The following EPHA7 variants were observed in gnomAD, a reference collection of about 807,000 sequenced individuals.
EPHA7 encodes the protein ephrin type-A receptor 7.
A neutral mutation model predicts 112.6 loss-of-function variants in EPHA7; 25 were observed. The observed-to-expected ratio is 0.22, with a 90% confidence interval of 0.16 to 0.31. EPHA7 has a LOEUF of 0.31. Among genes scored for constraint, EPHA7 ranks in the 10% least tolerant of loss-of-function variants. EPHA7 has a pLI of 1.00. For synonymous variants in EPHA7, 437 were observed against 406.5 expected, an observed-to-expected ratio of 1.07 and a Z score of -0.90; for missense variants, 962 against 1,212.6, an observed-to-expected ratio of 0.79 and a Z score of 3.07.
intron 5 of EPHA7, among the ~76,000 whole-genome samples, chr6:93,352,557 A>C (rs960242588): frequency 6.6e-6 from 1 of 152,074 alleles, no homozygotes; most frequent in African/African-American, 2.4e-5. Context: ...TTTGTTCCCA[A>C]TGTTGTTCTA....
intron 5 of EPHA7, among the ~76,000 whole-genome samples, chr6:93,286,534 G>A (rs1341345691): frequency 6.6e-6 from 1 of 152,128 alleles, no homozygotes; most frequent in African/African-American, 2.4e-5. Context: ...CATCCCAATA[G>A]CAGAGGAGAG....
intron 5 of EPHA7, among the ~76,000 whole-genome samples, chr6:93,282,434 A>G (rs1215533627): frequency 6.6e-6 from 1 of 152,264 alleles, no homozygotes; most frequent in African/African-American, 2.4e-5. Context: ...AAAATAAATT[A>G]GAATAAAAAT....
intron 3 of EPHA7, among the ~76,000 whole-genome samples, chr6:93,399,627 C>T (rs1240937957): frequency 1.3e-5 from 2 of 151,924 alleles, no homozygotes; most frequent in Non-Finnish European, 2.9e-5. Context: ...ATTTTGTTTT[C>T]TTGCTCCACT....
At chr6:93,416,027 TTTG>T (rs1042134791) in intron 1 of EPHA7, among the ~76,000 whole-genome samples, 1 of 152,126 alleles carries the variant, frequency 6.6e-6, no homozygotes, top group Non-Finnish European at 1.5e-5. Context: ...GGATTTTTGT[TTTG>T]TTGTTGTTGT....
chr6:93,253,029 G>A (rs1770282861), intron 14 of EPHA7, among the ~76,000 whole-genome samples: 1 of 151,678 alleles, frequency 6.6e-6, no homozygotes, highest in African/African-American at 2.4e-5. Context: ...TTTGTTTTTG[G>A]AAGTTAAGTG....
chr6:93,289,988 A>G (rs988862099), intron 5 of EPHA7, among the ~76,000 whole-genome samples: 1 of 152,136 alleles, frequency 6.6e-6, no homozygotes, highest in Non-Finnish European at 1.5e-5. Flanking sequence ...GTCTAAACTG[A>G]TATACACTCT....
At chr6:93,388,682 T>C (rs969294918) in intron 3 of EPHA7, among the ~76,000 whole-genome samples, 1 of 152,094 alleles carries the variant, frequency 6.6e-6, no homozygotes, top group African/African-American at 2.4e-5. Flanking sequence ...GTGATAAGCT[T>C]AGAAGAACCT....
At chr6:93,253,125 A>G (rs1240585634) in intron 14 of EPHA7, among the ~76,000 whole-genome samples, 2 of 151,892 alleles carry the variant, frequency 1.3e-5, no homozygotes, top group East Asian at 3.9e-4. Flanking sequence ...AACTCCATGG[A>G]GTGTCTAGGG....
intron 5 of EPHA7, among the ~76,000 whole-genome samples, chr6:93,326,089 A>C (rs1233558063): frequency 6.6e-6 from 1 of 151,438 alleles, no homozygotes. Context: ...AATTCTATTC[A>C]TAGTCTAATA....
intron 5 of EPHA7, among the ~76,000 whole-genome samples, chr6:93,351,344 T>C (rs1324545845): frequency 6.6e-6 from 1 of 151,936 alleles, no homozygotes; most frequent in African/African-American, 2.4e-5. Context: ...CCCTTCTCTC[T>C]GATGGTGTTG....
At chr6:93,408,499 T>A (rs913541212) in intron 3 of EPHA7, among the ~76,000 whole-genome samples, 1 of 152,088 alleles carries the variant, frequency 6.6e-6, no homozygotes, top group Non-Finnish European at 1.5e-5. Flanking sequence ...CAGGATTTTC[T>A]ACTCAATTAG....
Position 93,358,252 on chromosome 6 carries a change from TCA to T in EPHA7, c.988+2_988+3del, listed in dbSNP as rs1776056412. 1 of 1,600,982 alleles carries T rather than the reference TCA, an allele frequency of 6.2e-7. No individual in the cohort carries two copies. Among genetic ancestry groups the T allele is most frequent in the Non-Finnish European group, 8.5e-7 (1 of 1,173,116 alleles). ...AAGTCCTTTACTTTCATAATACAAC[TCA>T]CTTGTGCACGCAACGTATGGTGGGT... is the stretch of plus-strand genomic sequence containing the variant. On this transcript the variant is annotated splice_donor_variant and splice_donor_region_variant and intron_variant, in intron 4 of 16. Transcript: ENST00000369303. LOFTEE classifies it high-confidence loss of function.
intron 3 of EPHA7, among the ~76,000 whole-genome samples, chr6:93,360,465 T>C (rs903207215): frequency 2.6e-5 from 4 of 152,128 alleles, no homozygotes; most frequent in African/African-American, 4.8e-5. Flanking sequence ...GACAAGTTTT[T>C]GATGACATTG....
intron 5 of EPHA7, among the ~76,000 whole-genome samples, chr6:93,295,920 C>T (rs1772638405): frequency 6.6e-6 from 1 of 151,776 alleles, no homozygotes; most frequent in Non-Finnish European, 1.5e-5. Context: ...TTTTGATCTT[C>T]CATTTAATTC....
chr6:93,364,075 T>C (rs986271018), intron 3 of EPHA7, among the ~76,000 whole-genome samples: 6 of 152,220 alleles, frequency 3.9e-5, no homozygotes, highest in African/African-American at 1.2e-4. Context: ...TGTTGATAGA[T>C]ATAAGGCTTA....
chr6:93,336,434 A>C (rs1157516122), intron 5 of EPHA7, among the ~76,000 whole-genome samples: 1 of 152,088 alleles, frequency 6.6e-6, no homozygotes, highest in Admixed American at 6.6e-5. Flanking sequence ...ATGAAGTCTC[A>C]TTATGTTGCC....
chr6:93,320,818 G>T (rs1212008482), intron 5 of EPHA7, among the ~76,000 whole-genome samples: 1 of 151,824 alleles, frequency 6.6e-6, no homozygotes, highest in Non-Finnish European at 1.5e-5. Context: ...AACACAATTA[G>T]CCAAGTCCTG....
intron 8 of EPHA7, 72 bp from the exon 9 acceptor site, chr6:93,263,987 T>C (rs1770811724): frequency 1.8e-6 from 2 of 1,142,100 alleles, no homozygotes; most frequent in Admixed American, 4.0e-5. Flanking sequence ...ACAATGTACC[T>C]TAGTTACTCA....
Position 93,259,320 on chromosome 6 carries a change from GA to G in EPHA7, c.1924+33del, listed in dbSNP as rs556852541. On this transcript the variant is annotated intron_variant, in intron 10 of 16. Coordinates refer to ENST00000369303, the MANE Select transcript of EPHA7 (RefSeq NM_004440.4). ...TATGACTTTCGATCTTGGCTAAATG[GA>G]ACAGCTGAACGAGGAAGCTACAATA... 1,300 of 1,608,334 alleles carry G rather than the reference GA, an allele frequency of 8.1e-4. 4 individuals carry two copies. In the African/African-American group the frequency reaches 9.6e-3, roughly 12 times the overall value.
Sources: gnomAD v4.1 joint callset for allele counts (sites outside exome capture counted in the v4.1 genomes callset) on GRCh38, gnomAD v4.1.1 for gene constraint, MANE v1.5 for transcripts, NCBI Gene and HGNC (gene_info 2026-07-23, HGNC 2026-07-21) for gene names.